Variants in TTLL6 observed in about 807,000 individuals in gnomAD.
TTLL6 encodes tubulin polyglutamylase TTLL6.
TTLL6 carries 75 observed loss-of-function variants against 96.4 expected under a neutral mutation model. The ratio of observed to expected loss-of-function variants is 0.78; its 90% CI spans 0.65 to 0.94. TTLL6 has a LOEUF of 0.94. Among genes scored for constraint, TTLL6 ranks in the 40% least tolerant of loss-of-function variants. TTLL6 has a pLI of 0.00. For synonymous variants in TTLL6, 411 were observed against 419.4 expected, an observed-to-expected ratio of 0.98 and a Z score of 0.24; for missense variants, 1,030 against 1,093.0, an observed-to-expected ratio of 0.94 and a Z score of 0.81.
chr17:48,770,799 C>T (rs2038727611), intron 13 of TTLL6, among the ~76,000 whole-genome samples: 1 of 151,882 alleles, frequency 6.6e-6, no homozygotes, highest in African/African-American at 2.4e-5. Context: ...AGGCATGAGC[C>T]TGTAATCTCC....
intron 9 of TTLL6, 85 bp from the exon 10 acceptor site, chr17:48,790,191 T>C (rs2039193344): frequency 1.4e-6 from 2 of 1,462,858 alleles, no homozygotes; most frequent in Non-Finnish European, 9.3e-7. Flanking sequence ...TCCAGGGCAC[T>C]ACCAAAGCCC....
rs943537821 is a variant in TTLL6, at chr17:48,809,696, T to TA, written c.104-4706dup. 1.2e-3 allele frequency among the ~76,000 whole-genome samples: 172 copies of TA among 149,492 alleles called. 2 individuals are homozygous for TA. Among genetic ancestry groups the TA allele is most frequent in the African/African-American group, 3.9e-3 (158 of 40,714 alleles). On this transcript the variant is annotated intron_variant, in intron 1 of 15. Transcript: ENST00000393382. ...CAACAAAGTGAGACCCCATCTCTAT[T>TA]AAAAAAAAAATTAGCTGAGTGCAGT...
At position 48,784,988 on chromosome 17, in the gene TTLL6, T is replaced by C. The variant is rs1398064765; in HGVS notation, c.1975A>G (p.Lys659Glu). Residue 659 changes from lysine to glutamate, a missense_variant, in exon 13 of 16, where the codon AAA (lysine) becomes GAA (glutamate). By Grantham distance (56) the Lys-to-Glu change is moderately conservative (BLOSUM62 1). Coordinates refer to ENST00000393382, the MANE Select transcript of TTLL6 (RefSeq NM_001130918.3). The part of the protein sequence containing the change: ...NLSSSKLEPS[K>E]PNFSIKEAKS... ...GCCTCCTTGATGCTGAAGTTGGGTT[T>C]ACTGGGCTCCAACTTCGAGCTGCTG... 3.7e-6 allele frequency: 6 copies of C among 1,614,232 alleles called. No individual in the cohort carries two copies. The highest frequency in any genetic ancestry group is 2.2e-5 in the South Asian group (2 of 91,086).
chr17:48,801,082 C>G (rs969691764), intron 5 of TTLL6, among the ~76,000 whole-genome samples, 173 bp downstream of exon 5: 15 of 152,298 alleles, frequency 9.8e-5, no homozygotes, highest in African/African-American at 3.1e-4. Context: ...ACAGGCAGAG[C>G]CTTGTGTTTT....
Position 48,779,435 on chromosome 17 carries a change from T to C in TTLL6, c.2040+5488A>G, listed in dbSNP as rs150648910. On this transcript the variant is annotated intron_variant, in intron 13 of 15. Transcript: ENST00000393382. ...TGGAGCTACGGAGCAACTGGAACTC[T>C]CATAAATTGCTGCTTAAAATGTACA... Among the ~76,000 whole-genome samples the C allele has an allele frequency of 5.7e-3, 844 of 149,062 alleles. 8 individuals are homozygous for C. The highest frequency in any genetic ancestry group is 0.02 in the African/African-American group (805 of 40,778).
Position 48,817,191 on chromosome 17 carries a change from G to GC in TTLL6, c.-120dup, listed in dbSNP as rs1341665506. On this transcript the variant is annotated 5_prime_UTR_variant, in exon 1 of 16. Transcript: ENST00000393382. ...GATTGGCCCCTGCAGTAGCTGCCAT[G>GC]CCCCCTCCCTCCCGAATCCAATTAA... 14 of 616,868 alleles carry GC rather than the reference G, an allele frequency of 2.3e-5. No homozygotes were observed. Among genetic ancestry groups the GC allele is most frequent in the South Asian group, 4.9e-5 (2 of 40,438 alleles). The allele number at this position is 616,868 out of a possible 1,614,324, so 38.2% of individuals were successfully genotyped here. A position where few individuals can be genotyped will look rare whatever the true frequency, so the allele number is the denominator to read the frequency against.
In TTLL6 at chr17:48,787,948, C is replaced by T. The variant is rs774433321; in HGVS notation, c.1452G>A (p.Thr484=). 16 of 1,614,006 alleles carry T rather than the reference C, an allele frequency of 9.9e-6. No homozygotes were observed. The highest frequency in any genetic ancestry group is 1.6e-4 in the Middle Eastern group (1 of 6,084). Residue 484 remains threonine, a synonymous_variant, in exon 11 of 16, where the codon ACG becomes ACA. Coordinates refer to ENST00000393382, the MANE Select transcript of TTLL6 (RefSeq NM_001130918.3). Reference sequence around the variant, plus strand: ...ACCCTCCACAGTTTTCCTTCTCATACGTTTCAGTTTTCTTTAACTGCACGG... The same window carrying T: ...ACCCTCCACAGTTTTCCTTCTCATATGTTTCAGTTTTCTTTAACTGCACGG... ...FRAVQLKKTE[T]YEKENCGGFR...
At chr17:48,774,252 T>TTTTTTG (rs2038823956) in intron 13 of TTLL6, among the ~76,000 whole-genome samples, 1 of 98,432 alleles carries the variant, frequency 1.0e-5, no homozygotes, top group Admixed American at 1.1e-4. Flanking sequence ...TTTTTTTTTT[T>TTTTTTG]GAGACGGAGT....
chr17:48,779,439 A>G (rs1384721710), intron 13 of TTLL6, among the ~76,000 whole-genome samples: 3 of 152,108 alleles, frequency 2.0e-5, no homozygotes, highest in African/African-American at 7.2e-5. Flanking sequence ...GAACTCTCAT[A>G]AATTGCTGCT....
chr17:48,763,663 C>G (rs2038533329), intron 15 of TTLL6, among the ~76,000 whole-genome samples: 1 of 152,086 alleles, frequency 6.6e-6, no homozygotes, highest in African/African-American at 2.4e-5. Context: ...TAGCCAGGAA[C>G]AGTGGCACAC....
chr17:48,808,086 C>T (rs1462226945), intron 1 of TTLL6, among the ~76,000 whole-genome samples: 1 of 152,158 alleles, frequency 6.6e-6, no homozygotes, highest in African/African-American at 2.4e-5. Context: ...GATCCGCCTG[C>T]CTCGGCCTCC....
Position 48,786,338 on chromosome 17 carries a change from G to A in TTLL6, c.1590-3C>T. 2 of 1,614,214 alleles carry A rather than the reference G, an allele frequency of 1.2e-6. No individual in the cohort carries two copies. The highest frequency in any genetic ancestry group is 2.2e-5 in the East Asian group (1 of 44,878). Reference sequence around the variant, plus strand: ...GTCTCAGCTCCTGGATCAGTTGCCTGCCCATGAAGAACAAGTGAACATCAT... The same window carrying A: ...GTCTCAGCTCCTGGATCAGTTGCCTACCCATGAAGAACAAGTGAACATCAT... On this transcript the variant is annotated splice_polypyrimidine_tract_variant and splice_region_variant and intron_variant, in intron 11 of 15. Transcript: ENST00000393382.
In TTLL6 at chr17:48,786,269, C is replaced by G. The variant is rs1167656326; in HGVS notation, c.1656G>C (p.Glu552Asp). The change falls in exon 12 of 16, where the codon GAG becomes GAC. Residue 552 changes from glutamate to aspartate, a missense_variant. Glu to Asp is a conservative substitution (Grantham distance 45, BLOSUM62 2). Coordinates refer to ENST00000393382, the MANE Select transcript of TTLL6 (RefSeq NM_001130918.3). The part of the protein sequence containing the change: ...KKPFQMKKKV[E>D]MQGESAGEQV... ...GCTCGCCTGCCGATTCCCCCTGCAT[C>G]TCTACCTTCTTCTTCATTTGGAAGG... 6.2e-7 allele frequency: 1 copy of G among 1,614,244 alleles called. No individual in the cohort carries two copies. Among genetic ancestry groups the G allele is most frequent in the South Asian group, 1.1e-5 (1 of 91,086 alleles).
intron 1 of TTLL6, among the ~76,000 whole-genome samples, chr17:48,809,267 C>G (rs2039546920): frequency 6.6e-6 from 1 of 152,122 alleles, no homozygotes; most frequent in South Asian, 2.1e-4. Flanking sequence ...TCAATTGTTC[C>G]CAGTGAACAG....
At chr17:48,805,107 T>C (rs1018968335) in intron 1 of TTLL6, 116 bp from the exon 2 acceptor site, 26 of 811,504 alleles carry the variant, frequency 3.2e-5, no homozygotes, top group Non-Finnish European at 4.8e-5. Context: ...GGTTGCAGTT[T>C]ATAAAATGCC....
chr17:48,798,599 T>C (rs1362940979), intron 6 of TTLL6, among the ~76,000 whole-genome samples: 3 of 151,944 alleles, frequency 2.0e-5, no homozygotes, highest in Middle Eastern at 3.2e-3. Flanking sequence ...TAGCCAGATG[T>C]GGTGGCATGT....
intron 6 of TTLL6, among the ~76,000 whole-genome samples, chr17:48,799,399 A>T (rs1431618437): frequency 6.6e-6 from 1 of 152,232 alleles, no homozygotes; most frequent in Non-Finnish European, 1.5e-5. Flanking sequence ...ACCAATTGAC[A>T]AGGGTAAAAG....
At chr17:48,811,263 T>A (rs1359326888) in intron 1 of TTLL6, among the ~76,000 whole-genome samples, 2 of 150,872 alleles carry the variant, frequency 1.3e-5, no homozygotes, top group African/African-American at 4.9e-5. Flanking sequence ...GAGAACGGAG[T>A]TTTATCATAT....
rs1034016168 is a variant in TTLL6, at chr17:48,784,910, G to A, written c.2040+13C>T. The stretch of plus-strand genomic sequence containing the variant: ...TCCCACCACTCCCTCCCAGAGCTCG[G>A]CTCACTACTTACCACAGTGCCAGTG... On this transcript the variant is annotated intron_variant, in intron 13 of 15. Coordinates refer to ENST00000393382, the MANE Select transcript of TTLL6 (RefSeq NM_001130918.3). 4.4e-6 allele frequency: 7 copies of A among 1,608,560 alleles called. No homozygotes were observed. The African/African-American group carries it at 9.4e-5, about 21-fold the overall frequency.
Sources: allele counts gnomAD v4.1 joint callset (sites outside exome capture counted in the v4.1 genomes callset), GRCh38; gene constraint gnomAD v4.1.1; transcripts MANE v1.5; gene names NCBI Gene and HGNC (gene_info 2026-07-23, HGNC 2026-07-21).